Variants in PTPRD observed in about 807,000 individuals in gnomAD.
The protein encoded by PTPRD is receptor-type tyrosine-protein phosphatase delta.
A neutral mutation model predicts 214.5 loss-of-function variants in PTPRD; 34 were observed. The ratio of observed to expected loss-of-function variants is 0.16; its 90% CI spans 0.12 to 0.21. The LOEUF (loss-of-function observed/expected upper bound fraction) is 0.21, where lower values mean the gene tolerates loss of function less well. PTPRD is among the 10% of genes least tolerant of loss of function. The pLI, the probability that PTPRD is intolerant of heterozygous loss-of-function variation, is 1.00. For missense variants in PTPRD, 2,545 were observed against 2,398.7 expected, an observed-to-expected ratio of 1.06 and a Z score of -1.27; for synonymous variants, 1,128 against 845.7, an observed-to-expected ratio of 1.33 and a Z score of -5.79.
chr9:8,769,332 G>A (rs781282969), intron 11 of PTPRD, among the ~76,000 whole-genome samples: 17 of 152,152 alleles, frequency 1.1e-4, no homozygotes, highest in Non-Finnish European at 2.4e-4. Flanking sequence ...CTAGTACTGA[G>A]AACTAAATGA....
At chr9:10,017,549 G>C (rs1246154074) in intron 4 of PTPRD, among the ~76,000 whole-genome samples, 1 of 152,000 alleles carries the variant, frequency 6.6e-6, no homozygotes, top group Admixed American at 6.5e-5. Flanking sequence ...TGTTCCTCAA[G>C]TCTGGAAGCC....
chr9:10,073,709 A>G (rs1445059404), intron 3 of PTPRD, among the ~76,000 whole-genome samples: 1 of 152,018 alleles, frequency 6.6e-6, no homozygotes. Flanking sequence ...ACAATGACTC[A>G]TTTCTACATC....
At chr9:9,006,154 G>A (rs1380823213) in intron 11 of PTPRD, among the ~76,000 whole-genome samples, 1 of 152,086 alleles carries the variant, frequency 6.6e-6, no homozygotes, top group Non-Finnish European at 1.5e-5. Flanking sequence ...TGTGTCTGAA[G>A]CACATGAATT....
At chr9:10,377,719 G>T (rs2097758034) in intron 2 of PTPRD, among the ~76,000 whole-genome samples, 2 of 151,938 alleles carry the variant, frequency 1.3e-5, no homozygotes, top group African/African-American at 4.8e-5. Context: ...GAGAGGATAT[G>T]GAGAAATAGG....
intron 9 of PTPRD, among the ~76,000 whole-genome samples, chr9:9,365,521 A>G (rs1172643770): frequency 2.0e-5 from 3 of 151,456 alleles, no homozygotes; most frequent in African/African-American, 7.3e-5. Context: ...TTCTACCTTT[A>G]TCTGAGGTAG....
chr9:10,567,628 A>G (rs1040772320), intron 2 of PTPRD, among the ~76,000 whole-genome samples: 7 of 152,090 alleles, frequency 4.6e-5, no homozygotes, highest in Non-Finnish European at 1.0e-4. Context: ...GTCAAATGGA[A>G]TAAACTGTAA....
At chr9:9,367,842 T>C (rs532201330) in intron 9 of PTPRD, among the ~76,000 whole-genome samples, 1 of 151,704 alleles carries the variant, frequency 6.6e-6, no homozygotes, top group African/African-American at 2.4e-5. Context: ...TCTCACAGTC[T>C]TTTTATGTAT....
At chr9:9,171,296 G>A (rs2099915514) in intron 10 of PTPRD, among the ~76,000 whole-genome samples, 1 of 151,346 alleles carries the variant, frequency 6.6e-6, no homozygotes, top group Admixed American at 6.6e-5. Context: ...AAAATGTGAA[G>A]GGAAAACTGG....
At chr9:8,347,565 G>A (rs1486514189) in intron 39 of PTPRD, among the ~76,000 whole-genome samples, 2 of 152,132 alleles carry the variant, frequency 1.3e-5, no homozygotes, top group African/African-American at 4.8e-5. Flanking sequence ...CTTTGAGGAA[G>A]TGCCATTGAA....
rs117626208 is a variant in PTPRD, at chr9:9,209,602, A to C, written c.-202-26239T>G. Among the ~76,000 whole-genome samples the C allele has an allele frequency of 4.7e-4, 72 of 152,314 alleles. 1 individual carries two copies. The East Asian group carries it at 6.0e-3, about 13-fold the overall frequency. On this transcript the variant is annotated intron_variant, in intron 9 of 45. Coordinates refer to ENST00000381196, the MANE Select transcript of PTPRD (RefSeq NM_002839.4). The stretch of plus-strand genomic sequence containing the variant: ...TGATATGATGTCTGGAATTTGCTTC[A>C]AAATACTACTATTTTGTAGAGGATG...
At chr9:10,431,780 G>T (rs947262587) in intron 2 of PTPRD, among the ~76,000 whole-genome samples, 4 of 152,018 alleles carry the variant, frequency 2.6e-5, no homozygotes, top group African/African-American at 9.7e-5. Flanking sequence ...AAAAAGTCAG[G>T]AAATAACAGG....
chr9:8,450,443 A>G lies in PTPRD; in HGVS notation c.3876-606T>C, dbSNP rs188050274. 4.8e-3 allele frequency among the ~76,000 whole-genome samples: 734 copies of G among 152,318 alleles called. 8 individuals carry two copies. The highest frequency in any genetic ancestry group is 0.017 in the African/African-American group (712 of 41,574). ...CCTTTCTCTTTCAAATGTGAAGGAA[A>G]AAAAACAGTGTTAGCTCTTAACAGT... is the stretch of plus-strand genomic sequence containing the variant. On this transcript the variant is annotated intron_variant, in intron 33 of 45. Coordinates refer to ENST00000381196, the MANE Select transcript of PTPRD (RefSeq NM_002839.4).
At chr9:8,504,199 A>G in intron 23 of PTPRD, 62 bp downstream of exon 23, 1 of 1,570,222 alleles carries the variant, frequency 6.4e-7, no homozygotes, top group Non-Finnish European at 8.8e-7. Context: ...GTGAAGGTGA[A>G]AGCTAGCAAC....
intron 4 of PTPRD, among the ~76,000 whole-genome samples, chr9:9,969,051 TA>T (rs2094913386): frequency 6.6e-6 from 1 of 152,106 alleles, no homozygotes; most frequent in Non-Finnish European, 1.5e-5. Flanking sequence ...TAAATACTTG[TA>T]AAATTAAAAC....
chr9:10,406,043 C>G (rs2098351687), intron 2 of PTPRD, among the ~76,000 whole-genome samples: 1 of 150,904 alleles, frequency 6.6e-6, no homozygotes, highest in South Asian at 2.1e-4. Flanking sequence ...TAGCTCAGAT[C>G]AATATTTCTT....
intron 3 of PTPRD, among the ~76,000 whole-genome samples, chr9:10,263,303 C>T (rs2093819047): frequency 6.6e-6 from 1 of 152,094 alleles, no homozygotes; most frequent in Admixed American, 6.5e-5. Flanking sequence ...CAGAAGAAGA[C>T]AGGAGTATGT....
At chr9:9,303,998 A>T (rs775976147) in intron 9 of PTPRD, among the ~76,000 whole-genome samples, 16 of 152,114 alleles carry the variant, frequency 1.1e-4, no homozygotes, top group Non-Finnish European at 1.8e-4. Flanking sequence ...TCTACTCTCC[A>T]ACTGGGCTCA....
chr9:8,971,767 CTTTA>C (rs1178790922), intron 11 of PTPRD, among the ~76,000 whole-genome samples: 1 of 151,222 alleles, frequency 6.6e-6, no homozygotes, highest in African/African-American at 2.4e-5. Flanking sequence ...ATATATATTA[CTTTA>C]TTTAATCCTG....
chr9:9,575,933 T>G (rs921824170), intron 7 of PTPRD, among the ~76,000 whole-genome samples: 18 of 151,910 alleles, frequency 1.2e-4, no homozygotes, highest in African/African-American at 4.3e-4. Flanking sequence ...AACTAAATAT[T>G]TAACCTCTGC....
Sources: allele counts gnomAD v4.1 joint callset (sites outside exome capture counted in the v4.1 genomes callset), GRCh38; gene constraint gnomAD v4.1.1; transcripts MANE v1.5; gene names NCBI Gene and HGNC (gene_info 2026-07-23, HGNC 2026-07-21).